MMD2: variants seen among roughly 807,000 people sequenced by gnomAD.
The protein encoded by MMD2 is monocyte to macrophage differentiation associated 2, also known as monocyte to macrophage differentiation factor 2.
In MMD2, 30 loss-of-function variants were observed where a neutral mutation model predicts 33.5. The ratio of observed to expected loss-of-function variants is 0.90; its 90% CI spans 0.67 to 1.22. The LOEUF is 1.22. Ranked by LOEUF, MMD2 falls within the 50% of genes most tolerant of loss-of-function variation. The pLI, the probability that MMD2 is intolerant of heterozygous loss-of-function variation, is 0.00. For missense variants in MMD2, 364 were observed against 325.4 expected, an observed-to-expected ratio of 1.12 and a Z score of -0.91; for synonymous variants, 129 against 123.0, an observed-to-expected ratio of 1.05 and a Z score of -0.32.
chr7:4,929,300 A>T (rs1785511972), intron 1 of MMD2, among the ~76,000 whole-genome samples: 1 of 152,056 alleles, frequency 6.6e-6, no homozygotes, highest in African/African-American at 2.4e-5. Context: ...AGCCAGAGAG[A>T]CACCAACCCC....
At chr7:4,949,279 TACTA>T (rs1269760419) in intron 1 of MMD2, among the ~76,000 whole-genome samples, 4 of 152,146 alleles carry the variant, frequency 2.6e-5, no homozygotes, top group East Asian at 1.9e-4. Flanking sequence ...GTCTTATTCA[TACTA>T]ACTATTTTTT....
chr7:4,927,640 G>A (rs1785467659), intron 1 of MMD2, among the ~76,000 whole-genome samples: 1 of 152,192 alleles, frequency 6.6e-6, no homozygotes, highest in Non-Finnish European at 1.5e-5. Flanking sequence ...CCGGGAGGCA[G>A]AAGTTGCAGT....
intron 4 of MMD2, among the ~76,000 whole-genome samples, chr7:4,912,425 G>A (rs28695223): frequency 0.16 from 23,608 of 151,614 alleles, 1,999 homozygotes; most frequent in South Asian, 0.27. Flanking sequence ...AGCCAGGCGT[G>A]GTGTCGGGCG....
At chr7:4,918,885 C>A (rs1281747547) in intron 3 of MMD2, among the ~76,000 whole-genome samples, 1 of 151,810 alleles carries the variant, frequency 6.6e-6, no homozygotes, top group African/African-American at 2.4e-5. Flanking sequence ...ATCGCCTGAG[C>A]CCAGGAATTC....
chr7:4,915,508 G>C (rs1785116805), intron 4 of MMD2, among the ~76,000 whole-genome samples: 1 of 152,014 alleles, frequency 6.6e-6, no homozygotes, highest in South Asian at 2.1e-4. Context: ...GGGAGGCTGA[G>C]GTGGGCAGAT....
Position 4,946,185 on chromosome 7 carries a change from G to A in MMD2, c.47+12786C>T, listed in dbSNP as rs544582680. 2.2e-4 allele frequency among the ~76,000 whole-genome samples: 32 copies of A among 147,558 alleles called. No individual in the cohort carries two copies. Among genetic ancestry groups the A allele is most frequent in the South Asian group, 6.5e-4 (3 of 4,614 alleles). ...CACACCTGCACACATGCACACACAC[G>A]CGCGCACACCCACACACACGCATGC... On this transcript the variant is annotated intron_variant, in intron 1 of 6. Coordinates refer to ENST00000401401, the MANE Select transcript of MMD2 (RefSeq NM_198403.4). The surrounding 1 kb of genome is among the most constrained non-coding windows in gnomAD (Gnocchi z 5.0).
chr7:4,906,723 A>G lies in MMD2; in HGVS notation c.*673T>C. The G allele has an allele frequency of 2.5e-6, 1 of 394,830 alleles. No homozygotes were observed. The highest frequency in any genetic ancestry group is 4.4e-5 in the Admixed American group (1 of 22,642). 24.5% of individuals were successfully genotyped at this position (394,830 alleles called of 1,614,324 possible). A position where few individuals can be genotyped will look rare whatever the true frequency, so the allele number is the denominator to read the frequency against. On this transcript the variant is annotated 3_prime_UTR_variant, in exon 7 of 7. Coordinates refer to ENST00000401401, the MANE Select transcript of MMD2 (RefSeq NM_198403.4). ...GGGAGATGAGGAGATAGGCATGCAA[A>G]TGCCCATTTGGAGATTTTCAGCTAC... is the stretch of plus-strand genomic sequence containing the variant.
intron 2 of MMD2, among the ~76,000 whole-genome samples, chr7:4,923,229 C>T (rs969564431): frequency 6.6e-6 from 1 of 151,938 alleles, no homozygotes; most frequent in Non-Finnish European, 1.5e-5. Flanking sequence ...TCAGCCACCT[C>T]AGTAGCTGGG....
intron 4 of MMD2, 69 bp from the exon 5 acceptor site, chr7:4,911,315 G>T: frequency 1.5e-6 from 2 of 1,294,042 alleles, no homozygotes; most frequent in Non-Finnish European, 2.2e-6. Context: ...TCGAGGACCG[G>T]CCTGTCACAG....
chr7:4,900,999 G>T (rs1341777260), downstream of MMD2, among the ~76,000 whole-genome samples: 3 of 151,900 alleles, frequency 2.0e-5, no homozygotes, highest in African/African-American at 7.3e-5. Context: ...AATTAGCCGG[G>T]TATGGTGGTG....
chr7:4,902,748 A>G (rs1170580072), downstream of MMD2, among the ~76,000 whole-genome samples: 3 of 152,142 alleles, frequency 2.0e-5, no homozygotes, highest in African/African-American at 7.2e-5. Flanking sequence ...TACGCTGTAC[A>G]TGGTGGCAAA....
chr7:4,895,105 G>A, the MMD2 span, among the ~76,000 whole-genome samples: 43 of 149,840 alleles, frequency 2.9e-4, no homozygotes, highest in Non-Finnish European at 5.5e-4. Flanking sequence ...CTGAGACAGA[G>A]TCTCGCTCTG....
At chr7:4,939,348 G>A (rs1488089573) in intron 1 of MMD2, among the ~76,000 whole-genome samples, 1 of 152,076 alleles carries the variant, frequency 6.6e-6, no homozygotes, top group Non-Finnish European at 1.5e-5. Flanking sequence ...AGACACGCCT[G>A]GGCAACATAG....
At chr7:4,894,261 G>A in the MMD2 span, among the ~76,000 whole-genome samples, 1 of 152,146 alleles carries the variant, frequency 6.6e-6, no homozygotes, top group African/African-American at 2.4e-5. The surrounding 1 kb of genome is among the most constrained non-coding windows in gnomAD (Gnocchi z 4.3). Context: ...CATGTTGTAA[G>A]GAAGTCCAGG....
intron 2 of MMD2, among the ~76,000 whole-genome samples, chr7:4,920,944 C>T (rs1475046365): frequency 2.0e-5 from 3 of 152,118 alleles, no homozygotes; most frequent in Non-Finnish European, 2.9e-5. Context: ...TCTTGAACTC[C>T]TGACCTCAGG....
chr7:4,951,657 T>C (rs1786247067), intron 1 of MMD2, among the ~76,000 whole-genome samples: 2 of 152,142 alleles, frequency 1.3e-5, no homozygotes, highest in South Asian at 2.1e-4. Flanking sequence ...TGGAATGCAG[T>C]GGCACAATCA....
intron 1 of MMD2, among the ~76,000 whole-genome samples, chr7:4,929,401 C>T (rs1422892896): frequency 1.3e-5 from 2 of 152,128 alleles, no homozygotes; most frequent in Non-Finnish European, 2.9e-5. Flanking sequence ...CTGGGGACCC[C>T]ATTGAAGCCC....
intron 1 of MMD2, among the ~76,000 whole-genome samples, chr7:4,952,548 C>G (rs751409483): frequency 2.0e-5 from 3 of 152,194 alleles, no homozygotes; most frequent in Non-Finnish European, 2.9e-5. Flanking sequence ...TTGGCACCTA[C>G]TGTATACCAC....
At chr7:4,943,535 A>G (rs1785969818) in intron 1 of MMD2, among the ~76,000 whole-genome samples, 1 of 152,010 alleles carries the variant, frequency 6.6e-6, no homozygotes, top group Admixed American at 6.6e-5. Flanking sequence ...AGCAGTGCCC[A>G]TTACCTAGCT....
Sources: allele counts gnomAD v4.1 joint callset (sites outside exome capture counted in the v4.1 genomes callset), GRCh38; gene constraint gnomAD v4.1.1; non-coding constraint Gnocchi (gnomAD v3.1); transcripts MANE v1.5; gene names NCBI Gene and HGNC (gene_info 2026-07-23, HGNC 2026-07-21).